Variants in TTBK1 observed in about 807,000 individuals in gnomAD.
The protein encoded by TTBK1 is tau-tubulin kinase 1.
Under a neutral mutation model 108.5 loss-of-function variants are expected in TTBK1, and 34 were observed. The observed-to-expected ratio is 0.31, with a 90% CI of 0.24 to 0.42. The LOEUF (loss-of-function observed/expected upper bound fraction) is 0.42, where lower values mean the gene tolerates loss of function less well. Among genes scored for constraint, TTBK1 ranks in the 10% least tolerant of loss-of-function variants. TTBK1 has a pLI of 1.00. For missense variants in TTBK1, 1,539 were observed against 1,826.0 expected (o/e 0.84, Z 2.86); for synonymous variants, 809 against 795.1 (o/e 1.02, Z -0.29).
Position 43,283,757 on chromosome 6 carries a change from C to T in TTBK1, c.3017C>T (p.Pro1006Leu), listed in dbSNP as rs754340912. ...CTGTCTGGGGCCCCCCGGGAAACCC[C>T]CTCAGAGATGGCCACAAACTCACTG... ...SALSGAPRET[P>L]SEMATNSLPN... is the part of the protein sequence containing the mutation. Residue 1006 changes from proline (P) to leucine (L), a missense_variant, in exon 14 of 15, where the codon CCC becomes CTC. Around this residue, in one of 5 missense-constraint regions of TTBK1, gnomAD observed 1,055 missense variants for 1,086.5 expected, o/e 0.97. Coordinates refer to ENST00000259750, the MANE Select transcript of TTBK1 (RefSeq NM_032538.3). The surrounding 1 kb of genome is among the most constrained non-coding windows in gnomAD (Gnocchi z 8.1). The T allele has an allele frequency of 3.1e-6, 5 of 1,613,842 alleles. No individual in the cohort carries two copies. The highest frequency in any genetic ancestry group is 4.2e-6 in the Non-Finnish European group (5 of 1,179,872).
rs1777023992 is a variant in TTBK1 at position 43,243,990 on chromosome 6, TCTCCTG to T, written c.-55+283_-55+288del. Reference sequence around the variant, plus strand: ...CTGTCCCCATGGCTTCACCCCTGGCTCTCCTGTCATCCCTGACGAATCATTCGGCTG... The same window carrying T: ...CTGTCCCCATGGCTTCACCCCTGGCTTCATCCCTGACGAATCATTCGGCTG... On this transcript the variant is annotated intron_variant, in intron 1 of 14. Coordinates refer to ENST00000259750, the MANE Select transcript of TTBK1 (RefSeq NM_032538.3). The surrounding 1 kb of genome is among the most constrained non-coding windows in gnomAD (Gnocchi z 5.5). Among the ~76,000 whole-genome samples the T allele has an allele frequency of 6.6e-6, 1 of 152,142 alleles. No individual in the cohort carries two copies. Among genetic ancestry groups the T allele is most frequent in the South Asian group, 2.1e-4 (1 of 4,816 alleles).
At chr6:43,256,794 C>T (rs933568005) in intron 9 of TTBK1, among the ~76,000 whole-genome samples, 1 of 152,144 alleles carries the variant, frequency 6.6e-6, no homozygotes, top group Non-Finnish European at 1.5e-5. Flanking sequence ...AAGTACTTTA[C>T]ATGAAAACTC....
chr6:43,244,755 G>C (rs2651205), intron 1 of TTBK1, among the ~76,000 whole-genome samples: 1 of 152,022 alleles, frequency 6.6e-6, no homozygotes, highest in Non-Finnish European at 1.5e-5. Context: ...ACTGTCCCAG[G>C]ACTGGAAAGC....
intron 13 of TTBK1, chr6:43,271,787 A>ATTTATTTT: frequency 1.0e-6 from 1 of 982,026 alleles, no homozygotes; most frequent in Non-Finnish European, 1.2e-6. Flanking sequence ...TTATTTATTT[A>ATTTATTTT]TTTATTTTTG....
At chr6:43,270,362 TG>T in intron 13 of TTBK1, 1 of 1,008,472 alleles carries the variant, frequency 9.9e-7, no homozygotes, top group Non-Finnish European at 1.2e-6. Flanking sequence ...TTGGCATGGC[TG>T]GGTCTGATCC....
In TTBK1 at chr6:43,269,584, G is replaced by T. The variant is rs552464887; in HGVS notation, c.1986+6234G>T. On this transcript the variant is annotated intron_variant, in intron 13 of 14. Coordinates refer to ENST00000259750, the MANE Select transcript of TTBK1 (RefSeq NM_032538.3). The surrounding 1 kb of genome is among the most constrained non-coding windows in gnomAD (Gnocchi z 4.8). ...GTGAGCGGTGGGTGGCCCCGGAGAC[G>T]GAGCTGTCGAGTCTGTGCCTGACAC... is the stretch of plus-strand genomic sequence containing the variant. The T allele has an allele frequency of 1.3e-6, 2 of 1,509,348 alleles. No individual in the cohort carries two copies. The highest frequency in any genetic ancestry group is 1.4e-5 in the African/African-American group (1 of 70,870). 93.5% of individuals were successfully genotyped at this position (1,509,348 alleles called of 1,614,324 possible). A position where few individuals can be genotyped will look rare whatever the true frequency, so the allele number is the denominator to read the frequency against.
In TTBK1 at chr6:43,253,188, C is replaced by T; in HGVS notation, c.257-103C>T. 1 of 1,285,578 alleles carries T rather than the reference C, an allele frequency of 7.8e-7. No homozygotes were observed. The highest frequency in any genetic ancestry group is 1.1e-6 in the Non-Finnish European group (1 of 884,312). The allele number at this position is 1,285,578 out of a possible 1,614,324, so 79.6% of individuals were successfully genotyped here. Reference sequence around the variant, plus strand: ...GCAAGACAGGTGCTCACAGGGCCAGCACTGGAGGGACCAGGAATCAAGAGT... The same window carrying T: ...GCAAGACAGGTGCTCACAGGGCCAGTACTGGAGGGACCAGGAATCAAGAGT... On this transcript the variant is annotated intron_variant, in intron 3 of 14. Coordinates refer to ENST00000259750, the MANE Select transcript of TTBK1 (RefSeq NM_032538.3). The surrounding 1 kb of genome is among the most constrained non-coding windows in gnomAD (Gnocchi z 5.8).
In TTBK1 at chr6:43,283,550, C is replaced by G. The variant is rs374660341; in HGVS notation, c.2810C>G (p.Thr937Ser). 1.2e-6 allele frequency: 2 copies of G among 1,614,056 alleles called. No individual in the cohort carries two copies. The highest frequency in any genetic ancestry group is 2.7e-5 in the African/African-American group (2 of 74,938). The part of the protein sequence containing the change: ...ERTFVHIAEK[T>S]HLNVMSSGGQ... Reference sequence around the variant, plus strand: ...ACCTTTGTGCACATTGCGGAGAAAACCCACCTCAACGTCATGTCTTCCGGT... The same window carrying G: ...ACCTTTGTGCACATTGCGGAGAAAAGCCACCTCAACGTCATGTCTTCCGGT... The change falls in exon 14 of 15, where the codon ACC becomes AGC. Residue 937 changes from threonine to serine, a missense_variant. Physicochemically the swap from Thr to Ser is moderately conservative, Grantham distance 58. Transcript: ENST00000259750. The surrounding 1 kb of genome is among the most constrained non-coding windows in gnomAD (Gnocchi z 8.1).
chr6:43,259,808 C>T lies in TTBK1; in HGVS notation c.1424+102C>T, dbSNP rs1433578398. On this transcript the variant is annotated intron_variant, in intron 12 of 14. Transcript: ENST00000259750. This position sits in a 1 kb window ranked among gnomAD's most constrained non-coding sequence, Gnocchi z 6.7. ...AGATGTGTGGCGGAGGTGGGCAGAC[C>T]CTGGGAAGTGCTGAGAGGGTTATAC... 2.6e-5 allele frequency: 33 copies of T among 1,247,684 alleles called. No individual in the cohort carries two copies. Among genetic ancestry groups the T allele is most frequent in the Middle Eastern group, 2.6e-4 (1 of 3,890 alleles). 77.3% of individuals were successfully genotyped at this position (1,247,684 alleles called of 1,614,324 possible).
At position 43,282,843 on chromosome 6, in the gene TTBK1, G is replaced by A. The variant is rs1778210100; in HGVS notation, c.2103G>A (p.Leu701=). The A allele has an allele frequency of 1.2e-6, 2 of 1,613,930 alleles. No individual in the cohort carries two copies. The highest frequency in any genetic ancestry group is 1.6e-4 in the Middle Eastern group (1 of 6,084). Residue 701 remains leucine, a synonymous_variant, in exon 14 of 15, where the codon TTG becomes TTA. Coordinates refer to ENST00000259750, the MANE Select transcript of TTBK1 (RefSeq NM_032538.3). This position sits in a 1 kb window ranked among gnomAD's most constrained non-coding sequence, Gnocchi z 5.4. ...DLSDYRERAR[L]LNRVRRVGFS... ...CCGATTACCGAGAACGGGCGCGGTTGCTCAACAGGGTCCGGAGGGTGGGCT... is the reference window on the plus strand; with the variant it reads ...CCGATTACCGAGAACGGGCGCGGTTACTCAACAGGGTCCGGAGGGTGGGCT...
chr6:43,265,823 A>G lies in TTBK1; in HGVS notation c.1986+2473A>G, dbSNP rs1185824639. ...GACCTGGCTCTGCCGTTCCCTTCCC[A>G]GTGACTGAGGGCCAGTCAGTGTCCC... On this transcript the variant is annotated intron_variant, in intron 13 of 14. Coordinates refer to ENST00000259750, the MANE Select transcript of TTBK1 (RefSeq NM_032538.3). The surrounding 1 kb of genome is among the most constrained non-coding windows in gnomAD (Gnocchi z 4.1). Among the ~76,000 whole-genome samples, 8 of 152,116 alleles carry G rather than the reference A, an allele frequency of 5.3e-5. No individual in the cohort carries two copies. Among genetic ancestry groups the G allele is most frequent in the African/African-American group, 1.7e-4 (7 of 41,420 alleles).
chr6:43,272,051 A>G, intron 13 of TTBK1: 1 of 985,502 alleles, frequency 1.0e-6, no homozygotes, highest in Non-Finnish European at 1.2e-6. Context: ...GTGAGGCTGA[A>G]CAGTGGCCCC....
In TTBK1 at chr6:43,243,491, G is replaced by A. The variant is rs1777007362; in HGVS notation, c.-272G>A. 6.6e-6 allele frequency among the ~76,000 whole-genome samples: 1 copy of A among 152,114 alleles called. No homozygotes were observed. The highest frequency in any genetic ancestry group is 1.5e-5 in the Non-Finnish European group (1 of 67,968). On this transcript the variant is annotated 5_prime_UTR_variant, in exon 1 of 15. Transcript: ENST00000259750. The surrounding 1 kb of genome is among the most constrained non-coding windows in gnomAD (Gnocchi z 5.5). The stretch of plus-strand genomic sequence containing the variant: ...CTGGCGGCGCGGTGCATTGTGGGCA[G>A]CTCCCCGCTCTGCCGCTGCCGCCGC...
In TTBK1 at chr6:43,282,687, G is replaced by A; in HGVS notation, c.1987-40G>A. On this transcript the variant is annotated intron_variant, in intron 13 of 14. Transcript: ENST00000259750. This position sits in a 1 kb window ranked among gnomAD's most constrained non-coding sequence, Gnocchi z 5.4. ...CTGAAGTCTTCCTGGGCCCAGGAGG[G>A]TGGGTGACCTCAGAGGGTCCCTGTG... 6.5e-7 allele frequency: 1 copy of A among 1,534,888 alleles called. No individual in the cohort carries two copies. Among genetic ancestry groups the A allele is most frequent in the Non-Finnish European group, 8.8e-7 (1 of 1,133,228 alleles).
chr6:43,254,749 C>T, intron 6 of TTBK1, 98 bp downstream of exon 6: 1 of 1,173,404 alleles, frequency 8.5e-7, no homozygotes, highest in Non-Finnish European at 1.2e-6. Flanking sequence ...CCTAAGCTGG[C>T]CTGGCCTTGT....
At chr6:43,266,922 CTG>C (rs1777692400) in intron 13 of TTBK1, among the ~76,000 whole-genome samples, 1 of 151,474 alleles carries the variant, frequency 6.6e-6, no homozygotes. Context: ...AGCCTGAGGT[CTG>C]TGAGTTTAAC....
At position 43,269,182 on chromosome 6, in the gene TTBK1, G is replaced by T. The variant is rs1387989436; in HGVS notation, c.1986+5832G>T. Among the ~76,000 whole-genome samples, 1 of 152,238 alleles carries T rather than the reference G, an allele frequency of 6.6e-6. No homozygotes were observed. The highest frequency in any genetic ancestry group is 1.5e-5 in the Non-Finnish European group (1 of 68,040). The stretch of plus-strand genomic sequence containing the variant: ...TGGGGCGGGGGTGCCAAGGCGGAGG[G>T]TGTACAGGGAAAGTTTCTGAGCCCT... On this transcript the variant is annotated intron_variant, in intron 13 of 14. Transcript: ENST00000259750. The surrounding 1 kb of genome is among the most constrained non-coding windows in gnomAD (Gnocchi z 4.8).
In TTBK1 at chr6:43,259,488, C is replaced by T. The variant is rs1777474201; in HGVS notation, c.1249-43C>T. 2.0e-6 allele frequency: 3 copies of T among 1,516,194 alleles called. No homozygotes were observed. The highest frequency in any genetic ancestry group is 2.8e-5 in the African/African-American group (2 of 71,758). 93.9% of individuals were successfully genotyped at this position (1,516,194 alleles called of 1,614,324 possible). A position where few individuals can be genotyped will look rare whatever the true frequency, so the allele number is the denominator to read the frequency against. On this transcript the variant is annotated intron_variant, in intron 11 of 14. Transcript: ENST00000259750. This position sits in a 1 kb window ranked among gnomAD's most constrained non-coding sequence, Gnocchi z 6.7. Reference sequence around the variant, plus strand: ...CCCTGAGGAGACCATCCGCCCACAGCCGCCTCATCAGCCCCAGCTCATGGC... The same window carrying T: ...CCCTGAGGAGACCATCCGCCCACAGTCGCCTCATCAGCCCCAGCTCATGGC...
rs1036809741 is a variant in TTBK1 at position 43,265,032 on chromosome 6, G to C, written c.1986+1682G>C. On this transcript the variant is annotated intron_variant, in intron 13 of 14. Transcript: ENST00000259750. This position sits in a 1 kb window ranked among gnomAD's most constrained non-coding sequence, Gnocchi z 4.1. ...AGAATAGGCAGAGAGCCACTGGCCT[G>C]ACCAGGCTTTGCTGTGTGGGACAGA... is the stretch of plus-strand genomic sequence containing the variant. Among the ~76,000 whole-genome samples, 2 of 152,250 alleles carry C rather than the reference G, an allele frequency of 1.3e-5. No individual in the cohort carries two copies. The highest frequency in any genetic ancestry group is 4.8e-5 in the African/African-American group (2 of 41,460).
Sources: gnomAD v4.1 joint callset for allele counts (sites outside exome capture counted in the v4.1 genomes callset) on GRCh38, gnomAD v4.1.1 for gene constraint, gnomAD v4.1.1 regional missense constraint, Gnocchi (gnomAD v3.1) non-coding constraint, MANE v1.5 for transcripts, NCBI Gene and HGNC (gene_info 2026-07-23, HGNC 2026-07-21) for gene names.